LRRC4C: variants seen among roughly 807,000 people sequenced by gnomAD.
LRRC4C encodes leucine rich repeat containing 4C, also known as leucine-rich repeat-containing protein 4C.
Under a neutral mutation model 33.6 loss-of-function variants are expected in LRRC4C, and 5 were observed. The ratio of observed to expected loss-of-function variants is 0.15; its 90% CI spans 0.08 to 0.31. The LOEUF (loss-of-function observed/expected upper bound fraction) is 0.31, where lower values mean the gene tolerates loss of function less well. Ranked by LOEUF, LRRC4C falls within the 10% of genes least tolerant of loss-of-function variation. The probability of loss-of-function intolerance (pLI) is 1.00; values close to 1 mark genes in which losing one functional copy is unlikely to be tolerated. For missense variants in LRRC4C, 560 were observed against 796.7 expected, an observed-to-expected ratio of 0.70 and a Z score of 3.58; for synonymous variants, 329 against 302.0, an observed-to-expected ratio of 1.09 and a Z score of -0.93.
At chr11:41,177,408 C>T (rs939637689) in intron 1 of LRRC4C, among the ~76,000 whole-genome samples, 4 of 152,130 alleles carry the variant, frequency 2.6e-5, no homozygotes, top group African/African-American at 9.7e-5. Context: ...AGTTGGTATT[C>T]ATTTCAGTAC....
chr11:40,466,526 C>T (rs1316917172), intron 3 of LRRC4C, among the ~76,000 whole-genome samples: 1 of 151,744 alleles, frequency 6.6e-6, no homozygotes, highest in African/African-American at 2.4e-5. Flanking sequence ...ATTTTTCAGA[C>T]AGAATATAAA....
intron 3 of LRRC4C, among the ~76,000 whole-genome samples, chr11:40,437,837 A>G (rs1472935689): frequency 6.6e-6 from 1 of 152,190 alleles, no homozygotes; most frequent in Non-Finnish European, 1.5e-5. Flanking sequence ...CCTCCCGAGT[A>G]GCTGGGACTA....
intron 5 of LRRC4C, among the ~76,000 whole-genome samples, chr11:40,214,445 G>A (rs1366643617): frequency 1.3e-5 from 2 of 151,940 alleles, no homozygotes; most frequent in African/African-American, 4.8e-5. Context: ...AACTTCCTTT[G>A]ACTTTGGGGT....
At chr11:40,988,664 C>CAAA (rs1402925830) in intron 1 of LRRC4C, among the ~76,000 whole-genome samples, 1 of 151,286 alleles carries the variant, frequency 6.6e-6, no homozygotes, top group Non-Finnish European at 1.5e-5. Flanking sequence ...GATTCAAGTA[C>CAAA]CTGTTCCAGT....
intron 3 of LRRC4C, among the ~76,000 whole-genome samples, chr11:40,346,920 G>A (rs1947161973): frequency 6.6e-6 from 1 of 152,150 alleles, no homozygotes; most frequent in Non-Finnish European, 1.5e-5. Context: ...ATGAAGCACA[G>A]GCAGAGTGGA....
intron 6 of LRRC4C, among the ~76,000 whole-genome samples, chr11:40,131,604 A>T (rs554103379): frequency 3.3e-5 from 5 of 152,238 alleles, no homozygotes; most frequent in Non-Finnish European, 7.4e-5. Context: ...TCAGAGACAC[A>T]AATTTTTGTA....
intron 3 of LRRC4C, among the ~76,000 whole-genome samples, chr11:40,613,613 C>T (rs1961455848): frequency 6.6e-6 from 1 of 151,766 alleles, no homozygotes; most frequent in Non-Finnish European, 1.5e-5. Flanking sequence ...TGGCCTCTTC[C>T]TACAAACATT....
chr11:40,705,891 C>T (rs1029129235), intron 2 of LRRC4C, among the ~76,000 whole-genome samples: 1 of 152,066 alleles, frequency 6.6e-6, no homozygotes, highest in Non-Finnish European at 1.5e-5. Flanking sequence ...TTTTAATGAT[C>T]ACCATTCTAA....
intron 1 of LRRC4C, among the ~76,000 whole-genome samples, chr11:40,983,908 GA>G: frequency 6.6e-6 from 1 of 152,242 alleles, no homozygotes; most frequent in South Asian, 2.1e-4. Context: ...AGTCATATGT[GA>G]CTATGGAACA....
intron 1 of LRRC4C, among the ~76,000 whole-genome samples, chr11:41,049,295 G>A (rs560001871): frequency 6.6e-6 from 1 of 152,232 alleles, no homozygotes; most frequent in South Asian, 2.1e-4. Context: ...CTGCCACCAT[G>A]TAAAACATGA....
intron 1 of LRRC4C, among the ~76,000 whole-genome samples, chr11:41,109,058 T>G (rs1026672701): frequency 5.9e-5 from 9 of 152,066 alleles, no homozygotes; most frequent in Admixed American, 5.9e-4. Flanking sequence ...TTGTATTAGT[T>G]TCTGATAATA....
At chr11:41,112,544 A>G (rs1205593276) in intron 1 of LRRC4C, among the ~76,000 whole-genome samples, 1 of 152,192 alleles carries the variant, frequency 6.6e-6, no homozygotes, top group Non-Finnish European at 1.5e-5. Flanking sequence ...AATCAAGGCA[A>G]TGGGCATAGA....
In LRRC4C at chr11:40,569,565, C is replaced by T. The variant is rs565085928; in HGVS notation, c.-270+78577G>A. 1.2e-4 allele frequency among the ~76,000 whole-genome samples: 18 copies of T among 151,102 alleles called. No homozygotes were observed. In the South Asian group the frequency reaches 1.7e-3, roughly 14 times the overall value. On this transcript the variant is annotated intron_variant, in intron 3 of 6. Transcript: ENST00000528697. ...CTGTGTTTGTATGTGAATGTTTATGCGTGTATATATATATATTTTAATTAA... is the reference window on the plus strand; with the variant it reads ...CTGTGTTTGTATGTGAATGTTTATGTGTGTATATATATATATTTTAATTAA...
chr11:41,211,976 A>C (rs1468409606), intron 1 of LRRC4C, among the ~76,000 whole-genome samples: 3 of 152,146 alleles, frequency 2.0e-5, no homozygotes, highest in African/African-American at 7.2e-5. Context: ...ATTTCTCCAC[A>C]TCCTCTCCAG....
chr11:40,600,595 A>G (rs1040549165), intron 3 of LRRC4C, among the ~76,000 whole-genome samples: 1 of 152,204 alleles, frequency 6.6e-6, no homozygotes, highest in Non-Finnish European at 1.5e-5. Flanking sequence ...GTTGAGAATC[A>G]TTGTGCTAGT....
At chr11:40,451,299 TAA>T (rs1951871989) in intron 3 of LRRC4C, among the ~76,000 whole-genome samples, 1 of 134,524 alleles carries the variant, frequency 7.4e-6, no homozygotes. Flanking sequence ...AAAAAAGAAA[TAA>T]GACTCAAATT....
intron 1 of LRRC4C, among the ~76,000 whole-genome samples, chr11:40,955,391 T>C (rs1362476698): frequency 6.6e-6 from 1 of 151,770 alleles, no homozygotes; most frequent in Non-Finnish European, 1.5e-5. Flanking sequence ...ATTGTCTTTC[T>C]CCAAAATGTC....
intron 4 of LRRC4C, among the ~76,000 whole-genome samples, chr11:40,312,523 G>T (rs1945365085): frequency 6.6e-6 from 1 of 152,108 alleles, no homozygotes; most frequent in African/African-American, 2.4e-5. Flanking sequence ...TTGATAAGTA[G>T]ACTGGGTTAA....
chr11:41,027,809 T>G (rs1007201148), intron 1 of LRRC4C, among the ~76,000 whole-genome samples: 1 of 151,876 alleles, frequency 6.6e-6, no homozygotes, highest in Admixed American at 6.6e-5. Context: ...ATTGTATTCT[T>G]TGTTCACAAT....
Sources: gnomAD v4.1 joint callset for allele counts (sites outside exome capture counted in the v4.1 genomes callset) on GRCh38, gnomAD v4.1.1 for gene constraint, MANE v1.5 for transcripts, NCBI Gene and HGNC (gene_info 2026-07-23, HGNC 2026-07-21) for gene names.